The following ACADSB variants were observed in gnomAD, a reference collection of about 807,000 sequenced individuals.
ACADSB encodes short/branched chain specific acyl-CoA dehydrogenase, mitochondrial.
A neutral mutation model predicts 54.1 loss-of-function variants in ACADSB; 40 were observed. The observed-to-expected ratio is 0.74, with a 90% confidence interval of 0.57 to 0.96. The LOEUF is 0.96. Ranked by LOEUF, ACADSB falls within the 40% of genes least tolerant of loss-of-function variation. The probability of loss-of-function intolerance (pLI) is 0.00; values close to 1 mark genes in which losing one functional copy is unlikely to be tolerated. For synonymous variants in ACADSB, 182 were observed against 182.8 expected, an observed-to-expected ratio of 1.00 and a Z score of 0.03; for missense variants, 530 against 510.4, an observed-to-expected ratio of 1.04 and a Z score of -0.37.
intron 7 of ACADSB, among the ~76,000 whole-genome samples, chr10:123,046,141 G>A (rs1337685285): frequency 1.3e-5 from 2 of 152,200 alleles, no homozygotes; most frequent in African/African-American, 4.8e-5. Flanking sequence ...AGCCAAGAGT[G>A]CAGTGAGTCT....
intron 1 of ACADSB, among the ~76,000 whole-genome samples, chr10:123,017,866 G>T (rs989329350): frequency 1.3e-5 from 2 of 152,170 alleles, no homozygotes; most frequent in African/African-American, 4.8e-5. Flanking sequence ...GTTGAGTTGG[G>T]CTAAAAACCT....
intron 1 of ACADSB, among the ~76,000 whole-genome samples, chr10:123,010,278 A>G (rs918917823): frequency 2.0e-5 from 3 of 152,246 alleles, no homozygotes; most frequent in African/African-American, 7.2e-5. Context: ...CTGAAAAAGA[A>G]TAATAGCTTG....
At chr10:123,050,217 A>T (rs916052103) in intron 8 of ACADSB, among the ~76,000 whole-genome samples, 25 of 152,212 alleles carry the variant, frequency 1.6e-4, no homozygotes, top group African/African-American at 5.3e-4. Context: ...ATCAAGGTTC[A>T]CTGTCTTAAT....
chr10:123,045,148 TATATATATATATATA>T (rs1850537031), intron 7 of ACADSB, among the ~76,000 whole-genome samples: 3 of 10,898 alleles, frequency 2.8e-4, no homozygotes, highest in Admixed American at 8.1e-4. Context: ...TATATATATA[TATATATATATATATA>T]TATATATATT....
chr10:123,049,067 T>C (rs1850596170), intron 8 of ACADSB, among the ~76,000 whole-genome samples: 1 of 152,236 alleles, frequency 6.6e-6, no homozygotes, highest in South Asian at 2.1e-4. Flanking sequence ...TAAACATTTA[T>C]GAAGTACATG....
intron 1 of ACADSB, among the ~76,000 whole-genome samples, chr10:123,022,856 A>C (rs1241648182): frequency 1.3e-5 from 2 of 152,246 alleles, no homozygotes; most frequent in Non-Finnish European, 2.9e-5. Flanking sequence ...ATTGAAAATG[A>C]GTCAGATAGT....
chr10:123,009,134 C>G, intron 1 of ACADSB, 63 bp downstream of exon 1: 1 of 1,507,526 alleles, frequency 6.6e-7, no homozygotes, highest in South Asian at 1.2e-5. Context: ...GGAATCGCAG[C>G]TGGCAGAGCC....
chr10:123,047,446 G>A, intron 8 of ACADSB, 148 bp downstream of exon 8: 2 of 646,698 alleles, frequency 3.1e-6, no homozygotes, highest in Non-Finnish European at 5.5e-6. Context: ...CTCAGGGAGT[G>A]TACTTGTGAA....
chr10:123,023,498 A>G (rs569535424), intron 1 of ACADSB, among the ~76,000 whole-genome samples: 2 of 152,256 alleles, frequency 1.3e-5, no homozygotes, highest in East Asian at 3.9e-4. Context: ...ACACACACAA[A>G]CAAAGATCCA....
chr10:123,036,584 A>G (rs1227923316), intron 2 of ACADSB, among the ~76,000 whole-genome samples: 2 of 152,228 alleles, frequency 1.3e-5, no homozygotes, highest in Non-Finnish European at 2.9e-5. Flanking sequence ...AGCAATAAAG[A>G]TGGGCAAGAA....
intron 10 of ACADSB, 142 bp downstream of exon 10, chr10:123,053,302 C>G (rs1850657577): frequency 2.9e-6 from 2 of 680,260 alleles, no homozygotes; most frequent in South Asian, 3.7e-5. Context: ...ATTTATGTGG[C>G]TGGATTTTTT....
intron 1 of ACADSB, among the ~76,000 whole-genome samples, chr10:123,032,056 T>C (rs1436106737): frequency 2.6e-5 from 4 of 151,996 alleles, no homozygotes; most frequent in Admixed American, 6.5e-5. Flanking sequence ...CTTGGCTCAC[T>C]GCAACCTCTG....
chr10:123,019,965 T>C (rs9664258), intron 1 of ACADSB, among the ~76,000 whole-genome samples: 2 of 152,250 alleles, frequency 1.3e-5, no homozygotes, highest in African/African-American at 4.8e-5. Context: ...CTTTTTTTTG[T>C]TTTTTTGCTG....
At chr10:123,048,412 T>G (rs1026399292) in intron 8 of ACADSB, among the ~76,000 whole-genome samples, 1 of 151,730 alleles carries the variant, frequency 6.6e-6, no homozygotes, top group Admixed American at 6.6e-5. Flanking sequence ...AAAGCTAATA[T>G]GGGGCCAAAA....
At chr10:123,042,416 A>G (rs1423394001) in intron 5 of ACADSB, among the ~76,000 whole-genome samples, 1 of 151,628 alleles carries the variant, frequency 6.6e-6, no homozygotes, top group African/African-American at 2.4e-5. Context: ...CAGTAAATAC[A>G]GTATTTTCAC....
chr10:123,051,664 A>G (rs971174536), intron 9 of ACADSB, among the ~76,000 whole-genome samples: 1 of 152,226 alleles, frequency 6.6e-6, no homozygotes, highest in Non-Finnish European at 1.5e-5. Flanking sequence ...CTTTCTACTC[A>G]TACATTTGCT....
intron 4 of ACADSB, 27 bp downstream of exon 4, chr10:123,040,699 A>G (rs766252344): frequency 1.3e-6 from 2 of 1,582,014 alleles, no homozygotes; most frequent in African/African-American, 1.3e-5. Context: ...TGTTGATCTA[A>G]TGGATCTAAT....
At chr10:123,038,488 G>A (rs936889969) in intron 3 of ACADSB, among the ~76,000 whole-genome samples, 2 of 152,198 alleles carry the variant, frequency 1.3e-5, no homozygotes, top group Non-Finnish European at 2.9e-5. Flanking sequence ...CTCACTGTGA[G>A]TAGGGGGAGG....
intron 3 of ACADSB, 53 bp from the exon 4 acceptor site, chr10:123,040,413 T>G: frequency 6.9e-7 from 1 of 1,446,442 alleles, no homozygotes; most frequent in Non-Finnish European, 9.7e-7. Context: ...TGCAAGAAAT[T>G]TCCCCATATA....
Sources: allele counts gnomAD v4.1 joint callset (sites outside exome capture counted in the v4.1 genomes callset), GRCh38; gene constraint gnomAD v4.1.1; transcripts MANE v1.5; gene names NCBI Gene and HGNC (gene_info 2026-07-23, HGNC 2026-07-21).